The following EXOC6B variants were observed in gnomAD, a reference collection of about 807,000 sequenced individuals.
EXOC6B encodes exocyst complex component 6B.
EXOC6B carries 54 observed loss-of-function variants against 113.5 expected under a neutral mutation model. That is an observed-to-expected ratio of 0.48 (90% CI 0.38 to 0.60). The LOEUF is 0.60. EXOC6B is among the 20% of genes least tolerant of loss of function. The pLI is 0.00. For synonymous variants in EXOC6B, 357 were observed against 339.0 expected (o/e 1.05, Z -0.58); for missense variants, 797 against 977.5 (o/e 0.82, Z 2.46).
In EXOC6B at chr2:72,819,421, C is replaced by T. The variant is rs192471330; in HGVS notation, c.113+6377G>A. ...AATAAGCATGAGCAATGGGAATGTT[C>T]TTCCCCTCAGTGATTGTCAAGGACG... On this transcript the variant is annotated intron_variant, in intron 1 of 21. Coordinates refer to ENST00000272427, the MANE Select transcript of EXOC6B (RefSeq NM_015189.3). 5.0e-3 allele frequency among the ~76,000 whole-genome samples: 764 copies of T among 152,236 alleles called. 5 individuals carry two copies. Among genetic ancestry groups the T allele is most frequent in the Non-Finnish European group, 8.2e-3 (555 of 68,000 alleles).
chr2:72,636,669 A>T (rs1176234106), intron 6 of EXOC6B, among the ~76,000 whole-genome samples: 1 of 152,194 alleles, frequency 6.6e-6, no homozygotes, highest in African/African-American at 2.4e-5. Context: ...AATACTAGAA[A>T]TAGAGATGAA....
At chr2:72,429,702 G>GA (rs1198518153) in intron 18 of EXOC6B, among the ~76,000 whole-genome samples, 1 of 152,182 alleles carries the variant, frequency 6.6e-6, no homozygotes. Context: ...CAAGTTATGA[G>GA]AGGGGGAACA....
At chr2:72,783,754 A>G (rs901092765) in intron 1 of EXOC6B, among the ~76,000 whole-genome samples, 4 of 152,046 alleles carry the variant, frequency 2.6e-5, no homozygotes, top group Admixed American at 2.6e-4. Flanking sequence ...ATTATCCCTT[A>G]TTGGATGAAG....
At chr2:72,303,374 A>G (rs1686650666) in intron 20 of EXOC6B, among the ~76,000 whole-genome samples, 3 of 152,120 alleles carry the variant, frequency 2.0e-5, no homozygotes, top group South Asian at 2.1e-4. Context: ...AGGGATGCCA[A>G]TAATTTGTAG....
chr2:72,615,479 C>G (rs575920643), intron 6 of EXOC6B, among the ~76,000 whole-genome samples: 1 of 151,782 alleles, frequency 6.6e-6, no homozygotes, highest in Non-Finnish European at 1.5e-5. Flanking sequence ...CAGAGCTACT[C>G]CAGGGCTGTC....
chr2:72,511,704 G>A (rs1218151145), intron 11 of EXOC6B, among the ~76,000 whole-genome samples: 1 of 152,072 alleles, frequency 6.6e-6, no homozygotes, highest in Non-Finnish European at 1.5e-5. Flanking sequence ...AAAAGGTCAA[G>A]TAGATTCTAA....
chr2:72,825,807 G>A lies in EXOC6B; in HGVS notation c.104C>T (p.Pro35Leu). The A allele has an allele frequency of 3.7e-6, 6 of 1,612,710 alleles. No individual in the cohort carries two copies. Among genetic ancestry groups the A allele is most frequent in the Non-Finnish European group, 5.1e-6 (6 of 1,179,486 alleles). The stretch of plus-strand genomic sequence containing the variant: ...CCGGCACCCGGGGTACCTGAGCGTG[G>A]GCCCGATGCAGGCCGTGTCAGTGCT... Reference protein sequence around the residue: ...IESTDTACIGPTLRSVYDGEE... With the variant: ...IESTDTACIGLTLRSVYDGEE... Residue 35 changes from proline (P) to leucine (L), a missense_variant, in exon 1 of 22, where the codon CCC (proline) becomes CTC (leucine). Transcript: ENST00000272427. This position sits in a 1 kb window ranked among gnomAD's most constrained non-coding sequence, Gnocchi z 4.4.
At chr2:72,762,637 A>C (rs1294495181) in intron 1 of EXOC6B, among the ~76,000 whole-genome samples, 1 of 152,130 alleles carries the variant, frequency 6.6e-6, no homozygotes, top group Non-Finnish European at 1.5e-5. Flanking sequence ...GCAGACCCGC[A>C]CTATAAAAAC....
chr2:72,499,788 G>A, intron 12 of EXOC6B, 113 bp downstream of exon 12: 2 of 664,560 alleles, frequency 3.0e-6, no homozygotes, highest in Non-Finnish European at 5.3e-6. Context: ...CCTACCTCAG[G>A]CTTCCAAAGA....
chr2:72,575,652 T>G lies in EXOC6B; in HGVS notation c.686A>C (p.Asn229Thr). 6.3e-7 allele frequency: 1 copy of G among 1,599,546 alleles called. No individual in the cohort carries two copies. Among genetic ancestry groups the G allele is most frequent in the South Asian group, 1.1e-5 (1 of 88,306 alleles). Reference protein sequence around the residue: ...TAMKQAQQQRNLDNIVLQQPR... With the variant: ...TAMKQAQQQRTLDNIVLQQPR... ...TTGTTGCAAGACGATGTTATCCAGG[T>G]TTCTTTGCTGCTGGGCCTAGGATAG... Residue 229 changes from asparagine to threonine, a missense_variant, in exon 7 of 22, where the codon AAC becomes ACC. Asn to Thr is a moderately conservative substitution (Grantham distance 65). Coordinates refer to ENST00000272427, the MANE Select transcript of EXOC6B (RefSeq NM_015189.3).
intron 19 of EXOC6B, among the ~76,000 whole-genome samples, chr2:72,379,346 A>G (rs1382422493): frequency 6.6e-6 from 1 of 152,242 alleles, no homozygotes; most frequent in Non-Finnish European, 1.5e-5. Context: ...AACTAACAAT[A>G]GTTTGCATAT....
intron 17 of EXOC6B, among the ~76,000 whole-genome samples, chr2:72,471,151 T>C (rs1016053532): frequency 2.6e-5 from 4 of 152,120 alleles, no homozygotes; most frequent in Non-Finnish European, 5.9e-5. Flanking sequence ...TTTTTAATGA[T>C]CGCCATTCTA....
intron 13 of EXOC6B, among the ~76,000 whole-genome samples, chr2:72,497,322 C>A (rs35310914): frequency 1.5e-3 from 222 of 152,062 alleles, no homozygotes; most frequent in Middle Eastern, 0.014. Context: ...TCAAAATTGG[C>A]AAACAGAGTA....
chr2:72,656,106 T>G (rs902510818), intron 6 of EXOC6B, among the ~76,000 whole-genome samples: 1 of 151,952 alleles, frequency 6.6e-6, no homozygotes, highest in African/African-American at 2.4e-5. Context: ...CCAAAAACAT[T>G]TTGAACTGAA....
intron 6 of EXOC6B, among the ~76,000 whole-genome samples, chr2:72,669,681 C>T (rs1019074761): frequency 1.3e-5 from 2 of 152,312 alleles, no homozygotes; most frequent in East Asian, 1.9e-4. Context: ...GATCTCTATA[C>T]AGTCTGTGTG....
intron 6 of EXOC6B, among the ~76,000 whole-genome samples, chr2:72,681,062 T>C (rs1456658413): frequency 1.3e-5 from 2 of 152,214 alleles, no homozygotes; most frequent in East Asian, 3.8e-4. Flanking sequence ...TTATGCCTTC[T>C]TAAAACCTTC....
chr2:72,249,415 C>A (rs1014084668), intron 20 of EXOC6B, among the ~76,000 whole-genome samples: 2 of 152,006 alleles, frequency 1.3e-5, no homozygotes, highest in Non-Finnish European at 2.9e-5. Flanking sequence ...CCACTACACC[C>A]GGCTAATTTT....
rs542440829 is a variant in EXOC6B at position 72,246,549 on chromosome 2, C to T, written c.2197-62362G>A. On this transcript the variant is annotated intron_variant, in intron 20 of 21. Coordinates refer to ENST00000272427, the MANE Select transcript of EXOC6B (RefSeq NM_015189.3). ...TTGAGACTGGGTCTTGCGCTGTTGCCCAGCCTGGAGTGCAGTGGCGCAATC... is the reference window on the plus strand; with the variant it reads ...TTGAGACTGGGTCTTGCGCTGTTGCTCAGCCTGGAGTGCAGTGGCGCAATC... Among the ~76,000 whole-genome samples, 120 of 150,180 alleles carry T rather than the reference C, an allele frequency of 8.0e-4. 1 individual carries two copies. The highest frequency in any genetic ancestry group is 9.6e-4 in the African/African-American group (39 of 40,448).
At chr2:72,606,521 G>A (rs1318592513) in intron 6 of EXOC6B, among the ~76,000 whole-genome samples, 3 of 152,024 alleles carry the variant, frequency 2.0e-5, no homozygotes, top group African/African-American at 4.8e-5. Flanking sequence ...TTGAGGACAG[G>A]AGTTGGAGAC....
Sources: allele counts gnomAD v4.1 joint callset (sites outside exome capture counted in the v4.1 genomes callset), GRCh38; gene constraint gnomAD v4.1.1; non-coding constraint Gnocchi (gnomAD v3.1); transcripts MANE v1.5; gene names NCBI Gene and HGNC (gene_info 2026-07-23, HGNC 2026-07-21).